The following TMEM245 variants were observed in gnomAD, a reference collection of about 807,000 sequenced individuals.
TMEM245 encodes the protein transmembrane protein 245.
TMEM245 carries 69 observed loss-of-function variants against 101.2 expected under a neutral mutation model. The observed-to-expected ratio is 0.68, with a 90% CI of 0.56 to 0.83. TMEM245 has a LOEUF of 0.83. TMEM245 is among the 40% of genes least tolerant of loss of function. The pLI, the probability that TMEM245 is intolerant of heterozygous loss-of-function variation, is 0.00. For synonymous variants in TMEM245, 537 were observed against 449.8 expected, an observed-to-expected ratio of 1.19 and a Z score of -2.45; for missense variants, 1,075 against 1,092.8, an observed-to-expected ratio of 0.98 and a Z score of 0.23.
chr9:109,040,848 G>T (rs72607163), intron 14 of TMEM245, among the ~76,000 whole-genome samples: 33,306 of 151,994 alleles, frequency 0.22, 4,451 homozygotes, highest in Admixed American at 0.3. Context: ...CCAGCTGATG[G>T]GCATTTGAGG....
chr9:109,033,690 C>A (rs1047395505), intron 16 of TMEM245, among the ~76,000 whole-genome samples, 189 bp from the exon 17 acceptor site: 2 of 148,534 alleles, frequency 1.3e-5, no homozygotes, highest in African/African-American at 5.0e-5. Context: ...TGAGATGCAA[C>A]AATTGTTTTT....
intron 3 of TMEM245, among the ~76,000 whole-genome samples, chr9:109,101,661 T>G (rs1212889946): frequency 1.3e-5 from 2 of 152,190 alleles, no homozygotes; most frequent in African/African-American, 4.8e-5. Context: ...TTAAACAAAA[T>G]AAATAAAACC....
chr9:109,016,066 C>CA lies in TMEM245; in HGVS notation c.*4393dup, dbSNP rs1475285841. ...AGTATTTCCATTAGGGATGTCTTCT[C>CA]AAAGAGTTGTAAACTTGATCAAGGG... On this transcript the variant is annotated 3_prime_UTR_variant, in exon 18 of 18. Coordinates refer to ENST00000374586, the MANE Select transcript of TMEM245 (RefSeq NM_032012.4). 1 of 152,596 alleles carries CA rather than the reference C, an allele frequency of 6.6e-6. No homozygotes were observed. Among genetic ancestry groups the CA allele is most frequent in the African/African-American group, 2.4e-5 (1 of 41,432 alleles). 9.5% of individuals were successfully genotyped at this position (152,596 alleles called of 1,614,324 possible). A position where few individuals can be genotyped will look rare whatever the true frequency, so the allele number is the denominator to read the frequency against.
rs1432223311 is a variant in TMEM245, at chr9:109,119,524, G to A, written c.390C>T (p.Phe130=). The A allele has an allele frequency of 2.0e-6, 3 of 1,528,502 alleles. No homozygotes were observed. The highest frequency in any genetic ancestry group is 2.6e-5 in the East Asian group (1 of 39,120). The allele number at this position is 1,528,502 out of a possible 1,614,324, so 94.7% of individuals were successfully genotyped here. A position where few individuals can be genotyped will look rare whatever the true frequency, so the allele number is the denominator to read the frequency against. Residue 130 remains phenylalanine (F), a synonymous_variant, in exon 1 of 18, where the codon TTC becomes TTT. Coordinates refer to ENST00000374586, the MANE Select transcript of TMEM245 (RefSeq NM_032012.4). The stretch of plus-strand genomic sequence containing the variant: ...CCAGGGCCTCGACGCCGTAGTCGAC[G>A]AAGCAGAGCGGCAGGAGCAGCGCGG... ...VLAALLLPLC[F]VDYGVEALGE...
intron 3 of TMEM245, among the ~76,000 whole-genome samples, chr9:109,103,717 T>A (rs748281314): frequency 6.6e-6 from 1 of 151,974 alleles, no homozygotes; most frequent in Non-Finnish European, 1.5e-5. Context: ...AGCAGAAGGA[T>A]GGTTACCAGA....
chr9:109,064,448 A>G (rs768197440), intron 10 of TMEM245, 29 bp downstream of exon 10: 6 of 1,592,712 alleles, frequency 3.8e-6, no homozygotes. Flanking sequence ...CTGAAAAGAG[A>G]AAGCCACAAA....
At chr9:109,046,574 A>G (rs578162505) in intron 14 of TMEM245, among the ~76,000 whole-genome samples, 1 of 152,322 alleles carries the variant, frequency 6.6e-6, no homozygotes, top group African/African-American at 2.4e-5. Context: ...AACAGACACT[A>G]TCACTGTCTG....
intron 7 of TMEM245, among the ~76,000 whole-genome samples, chr9:109,084,855 C>T (rs551473363): frequency 1.9e-4 from 29 of 152,132 alleles, no homozygotes; most frequent in Non-Finnish European, 3.8e-4. Context: ...GTTTATTTTA[C>T]ACAATGCTTC....
At chr9:109,030,550 T>C (rs1827914952) in intron 17 of TMEM245, among the ~76,000 whole-genome samples, 1 of 152,248 alleles carries the variant, frequency 6.6e-6, no homozygotes, top group Non-Finnish European at 1.5e-5. Flanking sequence ...TTTTTCTTTG[T>C]GTTTGGTGAG....
chr9:109,036,718 ACTT>A (rs1335027496), intron 15 of TMEM245, among the ~76,000 whole-genome samples: 2 of 152,262 alleles, frequency 1.3e-5, no homozygotes, highest in Admixed American at 1.3e-4. Flanking sequence ...ATGTGTCAAA[ACTT>A]GTACTGAGTC....
At chr9:109,028,271 G>A (rs1827845660) in intron 17 of TMEM245, among the ~76,000 whole-genome samples, 1 of 151,780 alleles carries the variant, frequency 6.6e-6, no homozygotes, top group African/African-American at 2.4e-5. Flanking sequence ...CCAACATGGT[G>A]AAATCCCATC....
chr9:109,055,272 A>G (rs1344287441), intron 12 of TMEM245, among the ~76,000 whole-genome samples: 1 of 152,254 alleles, frequency 6.6e-6, no homozygotes, highest in Admixed American at 6.5e-5. Flanking sequence ...ATTCAAAGGT[A>G]TTATTAGATG....
intron 8 of TMEM245, among the ~76,000 whole-genome samples, chr9:109,074,953 G>A (rs564476149): frequency 3.3e-5 from 5 of 152,320 alleles, no homozygotes; most frequent in Non-Finnish European, 5.9e-5. Context: ...GGCCTGACAC[G>A]TTCTTGTGAG....
intron 16 of TMEM245, among the ~76,000 whole-genome samples, chr9:109,034,773 A>C (rs1214390363): frequency 6.6e-6 from 1 of 152,180 alleles, no homozygotes; most frequent in African/African-American, 2.4e-5. Context: ...AAAAATAAAA[A>C]CGTGTGGGAG....
intron 3 of TMEM245, among the ~76,000 whole-genome samples, chr9:109,106,148 C>T (rs1830413146): frequency 6.6e-6 from 1 of 150,450 alleles, no homozygotes; most frequent in Non-Finnish European, 1.5e-5. Context: ...ACCCCTGAGC[C>T]CAGGAGTTCA....
intron 9 of TMEM245, among the ~76,000 whole-genome samples, chr9:109,069,092 C>T (rs1829255917): frequency 1.3e-5 from 2 of 152,142 alleles, no homozygotes; most frequent in African/African-American, 4.8e-5. Flanking sequence ...TATGGGTCTT[C>T]CCTGTATATG....
chr9:109,016,434 CTCTAT>C lies in TMEM245; in HGVS notation c.*4021_*4025del, dbSNP rs770952249. ...CAACGGACTGACAGAAAAAAAAGAACTCTATTCTATTCTGAATTCTGTTACTAACT... is the reference window on the plus strand; with the variant it reads ...CAACGGACTGACAGAAAAAAAAGAACTCTATTCTGAATTCTGTTACTAACT... On this transcript the variant is annotated 3_prime_UTR_variant, in exon 18 of 18. Coordinates refer to ENST00000374586, the MANE Select transcript of TMEM245 (RefSeq NM_032012.4). 1.3e-5 allele frequency: 2 copies of C among 152,126 alleles called. No homozygotes were observed. Among genetic ancestry groups the C allele is most frequent in the African/African-American group, 4.8e-5 (2 of 41,426 alleles). The allele number at this position is 152,126 out of a possible 1,614,324, so 9.4% of individuals were successfully genotyped here. A position where few individuals can be genotyped will look rare whatever the true frequency, so the allele number is the denominator to read the frequency against.
At chr9:109,044,567 G>A (rs1055298705) in intron 14 of TMEM245, among the ~76,000 whole-genome samples, 1 of 152,094 alleles carries the variant, frequency 6.6e-6, no homozygotes. Context: ...CAAGTAGAAA[G>A]TGAGCTGGTG....
intron 3 of TMEM245, among the ~76,000 whole-genome samples, chr9:109,103,947 T>A (rs887167266): frequency 2.0e-5 from 3 of 151,714 alleles, no homozygotes; most frequent in African/African-American, 7.3e-5. Flanking sequence ...TAGCCAGGCA[T>A]GATGGCGGGT....
Sources: gnomAD v4.1 joint callset for allele counts (sites outside exome capture counted in the v4.1 genomes callset) on GRCh38, gnomAD v4.1.1 for gene constraint, MANE v1.5 for transcripts, NCBI Gene and HGNC (gene_info 2026-07-23, HGNC 2026-07-21) for gene names.